The following UPK3A variants were observed in gnomAD, a reference collection of about 807,000 sequenced individuals.
The protein encoded by UPK3A is uroplakin-3a.
UPK3A carries 32 observed loss-of-function variants against 27.6 expected under a neutral mutation model. The observed-to-expected ratio is 1.16, with a 90% CI of 0.87 to 1.55. UPK3A has a LOEUF of 1.55. Among genes scored for constraint, UPK3A ranks in the 40% most tolerant of loss-of-function variants. The pLI is 0.00. For missense variants in UPK3A, 370 were observed against 367.9 expected, an observed-to-expected ratio of 1.01 and a Z score of -0.05; for synonymous variants, 171 against 163.9, an observed-to-expected ratio of 1.04 and a Z score of -0.33.
intron 1 of UPK3A, among the ~76,000 whole-genome samples, chr22:45,285,389 A>G (rs540126732): frequency 6.6e-6 from 1 of 152,216 alleles, no homozygotes; most frequent in Admixed American, 6.5e-5. Context: ...AGCATGGGCA[A>G]GTTCATGGAG....
chr22:45,286,358 C>G (rs2084117937), intron 2 of UPK3A, among the ~76,000 whole-genome samples: 1 of 152,184 alleles, frequency 6.6e-6, no homozygotes, highest in South Asian at 2.1e-4. Context: ...TGTAAGGTAG[C>G]TATTACCAAT....
intron 3 of UPK3A, among the ~76,000 whole-genome samples, chr22:45,287,872 C>G (rs1277335956): frequency 2.6e-5 from 4 of 152,132 alleles, no homozygotes; most frequent in African/African-American, 9.7e-5. Flanking sequence ...TCATGTTGGT[C>G]AAGCTGGTCT....
In UPK3A at chr22:45,286,530, A is replaced by G. The variant is rs142054441; in HGVS notation, c.208+434A>G. On this transcript the variant is annotated intron_variant, in intron 2 of 5. Coordinates refer to ENST00000216211, the MANE Select transcript of UPK3A (RefSeq NM_006953.4). ...AGATTGGTGTTTCTGAGACAAAACC[A>G]TGCATTTGGACCTGCTGCTGTGGCC... Among the ~76,000 whole-genome samples, 181 of 152,208 alleles carry G rather than the reference A, an allele frequency of 1.2e-3. 1 individual carries two copies. Among genetic ancestry groups the G allele is most frequent in the African/African-American group, 4.2e-3 (173 of 41,530 alleles).
rs549089426 is a variant in UPK3A, at chr22:45,295,777, C to T, written c.*58C>T. On this transcript the variant is annotated 3_prime_UTR_variant, in exon 6 of 6. Transcript: ENST00000216211. The stretch of plus-strand genomic sequence containing the variant: ...CTCTCTGGCCTTGCCCCAGGCCCTG[C>T]AGCGGTGGTTGTCACACCCTGACTT... 1.2e-6 allele frequency: 2 copies of T among 1,601,928 alleles called. No individual in the cohort carries two copies. The highest frequency in any genetic ancestry group is 2.2e-5 in the South Asian group (2 of 90,654).
chr22:45,288,016 T>C (rs1422280021), intron 3 of UPK3A, among the ~76,000 whole-genome samples: 1 of 152,088 alleles, frequency 6.6e-6, no homozygotes, highest in African/African-American at 2.4e-5. Context: ...CATTTTGCTC[T>C]GGGGCCCACA....
intron 4 of UPK3A, among the ~76,000 whole-genome samples, chr22:45,292,968 A>C (rs2084171503): frequency 6.6e-6 from 1 of 152,028 alleles, no homozygotes; most frequent in Non-Finnish European, 1.5e-5. Flanking sequence ...TAAAAGAGGA[A>C]GTGGCCAGAA....
At chr22:45,285,401 G>A (rs932306788) in intron 1 of UPK3A, among the ~76,000 whole-genome samples, 1 of 152,174 alleles carries the variant, frequency 6.6e-6, no homozygotes, top group South Asian at 2.1e-4. Flanking sequence ...TTCATGGAGG[G>A]GAGACAATAT....
rs1176810747 is a variant in UPK3A at position 45,286,569 on chromosome 22, T to C, written c.208+473T>C. On this transcript the variant is annotated intron_variant, in intron 2 of 5. Transcript: ENST00000216211. ...GCTGCTGTGGCCCAGCCCCAACCCC[T>C]GCCCTGGAGGGGATCCTGAGCTTCT... Among the ~76,000 whole-genome samples, 4 of 152,194 alleles carry C rather than the reference T, an allele frequency of 2.6e-5. No homozygotes were observed. The East Asian group carries it at 7.7e-4, about 29-fold the overall frequency.
chr22:45,286,231 G>C (rs113175457), intron 2 of UPK3A, 135 bp downstream of exon 2: 2 of 1,205,190 alleles, frequency 1.7e-6, no homozygotes, highest in Admixed American at 2.0e-5. Flanking sequence ...CCACAGACCT[G>C]TCCTTGCCTT....
At chr22:45,285,110 G>A (rs1601846007) in intron 1 of UPK3A, 45 bp downstream of exon 1, 11 of 1,520,692 alleles carry the variant, frequency 7.2e-6, no homozygotes, top group Non-Finnish European at 7.9e-6. Context: ...GAAAGAGCGG[G>A]CAGCTCTGCC....
chr22:45,285,109 G>A (rs1389854104), intron 1 of UPK3A, 44 bp downstream of exon 1: 43 of 1,522,844 alleles, frequency 2.8e-5, no homozygotes, highest in Non-Finnish European at 3.8e-5. Flanking sequence ...AGAAAGAGCG[G>A]GCAGCTCTGC....
At chr22:45,289,708 C>G (rs1217491024) in intron 4 of UPK3A, among the ~76,000 whole-genome samples, 1 of 150,736 alleles carries the variant, frequency 6.6e-6, no homozygotes, top group Non-Finnish European at 1.5e-5. Flanking sequence ...GAGCCGAGAT[C>G]ACGCCACAGC....
At chr22:45,294,159 A>AGAGGCAGG (rs1298684691) in intron 5 of UPK3A, among the ~76,000 whole-genome samples, 1 of 152,114 alleles carries the variant, frequency 6.6e-6, no homozygotes, top group African/African-American at 2.4e-5. Context: ...TTCCTCAGTG[A>AGAGGCAGG]GAGGCAGGGA....
rs1423778911 is a variant in UPK3A, at chr22:45,289,402, C to T, written c.571+259C>T. ...CATCCTGGCTCACACGGTGAAACCC[C>T]GTCTCTCCTAAAAATACAAAAACAA... On this transcript the variant is annotated intron_variant, in intron 4 of 5. Coordinates refer to ENST00000216211, the MANE Select transcript of UPK3A (RefSeq NM_006953.4). Among the ~76,000 whole-genome samples, 4 of 151,830 alleles carry T rather than the reference C, an allele frequency of 2.6e-5. No individual in the cohort carries two copies. The South Asian group carries it at 8.3e-4, about 32-fold the overall frequency.
At chr22:45,290,953 G>C (rs1228674012) in intron 4 of UPK3A, among the ~76,000 whole-genome samples, 2 of 152,156 alleles carry the variant, frequency 1.3e-5, no homozygotes, top group East Asian at 3.8e-4. Context: ...TCTACTTGCA[G>C]GAAAACAAGC....
chr22:45,290,902 C>G (rs1037519781), intron 4 of UPK3A, among the ~76,000 whole-genome samples: 2 of 152,084 alleles, frequency 1.3e-5, no homozygotes, highest in Non-Finnish European at 1.5e-5. Context: ...ATCTCATGCC[C>G]GATGATGTGT....
chr22:45,293,354 T>C, intron 5 of UPK3A, 41 bp downstream of exon 5: 1 of 1,611,544 alleles, frequency 6.2e-7, no homozygotes, highest in Non-Finnish European at 8.5e-7. Flanking sequence ...CCCAGGGACA[T>C]GCCAGACACA....
intron 4 of UPK3A, among the ~76,000 whole-genome samples, chr22:45,292,401 C>T (rs1307751461): frequency 6.6e-6 from 1 of 152,134 alleles, no homozygotes; most frequent in Non-Finnish European, 1.5e-5. Context: ...AGGGGACCTA[C>T]CTGGAACAGT....
chr22:45,295,549 C>G lies in UPK3A; in HGVS notation c.705-11C>G. On this transcript the variant is annotated splice_polypyrimidine_tract_variant and intron_variant, in intron 5 of 5. Coordinates refer to ENST00000216211, the MANE Select transcript of UPK3A (RefSeq NM_006953.4). ...TCCCCTAATCCTGGGTCTTTCCATC[C>G]CCTTGGACAGGGACATGGGGAGTTC... 1 of 1,614,032 alleles carries G rather than the reference C, an allele frequency of 6.2e-7. No homozygotes were observed. Among genetic ancestry groups the G allele is most frequent in the South Asian group, 1.1e-5 (1 of 91,076 alleles).
Sources: gnomAD v4.1 joint callset for allele counts (sites outside exome capture counted in the v4.1 genomes callset) on GRCh38, gnomAD v4.1.1 for gene constraint, MANE v1.5 for transcripts, NCBI Gene and HGNC (gene_info 2026-07-23, HGNC 2026-07-21) for gene names.